The following ZDBF2 variants were observed in gnomAD, a reference collection of about 807,000 sequenced individuals.
The protein encoded by ZDBF2 is zinc finger DBF-type containing 2, also known as DBF4-type zinc finger-containing protein 2.
ZDBF2 carries 6 observed loss-of-function variants against 9.4 expected under a neutral mutation model. The observed-to-expected ratio is 0.64, with a 90% confidence interval of 0.35 to 1.27. The LOEUF (loss-of-function observed/expected upper bound fraction) is 1.27. Among genes scored for constraint, ZDBF2 ranks in the 50% most tolerant of loss-of-function variants. ZDBF2 has a pLI of 0.03. For missense variants in ZDBF2, 2,697 were observed against 2,766.8 expected (o/e 0.97, Z 0.57); for synonymous variants, 905 against 946.3 (o/e 0.96, Z 0.80).
Position 206,305,141 on chromosome 2 carries a change from A to G in ZDBF2, c.613A>G (p.Thr205Ala), listed in dbSNP as rs781513801. 3.7e-6 allele frequency: 6 copies of G among 1,613,646 alleles called. No individual in the cohort carries two copies. In the South Asian group the frequency reaches 5.5e-5, roughly 15 times the overall value. ...CGATAGACCAGTTACAGCTAATACA[A>G]CTAGTTTACCACCAGCAGCTCATTT... ...SNDRPVTANTTSLPPAAHLDS... is the reference protein window; with the variant it reads ...SNDRPVTANTASLPPAAHLDS... Residue 205 changes from threonine to alanine, a missense_variant, in exon 5 of 5, where the codon ACT (threonine) becomes GCT (alanine). Thr to Ala is a moderately conservative substitution (Grantham distance 58, BLOSUM62 0). Transcript: ENST00000374423.
rs1693013771 is a variant in ZDBF2 at position 206,309,349 on chromosome 2, G to A, written c.4821G>A (p.Lys1607=). Residue 1607 remains lysine (K), a synonymous_variant, in exon 5 of 5, where the codon AAG becomes AAA. Transcript: ENST00000374423. The part of the protein sequence containing the change: ...CKETFKIINR[K]KDYIILGEPS... Reference sequence around the variant, plus strand: ...AGACTTTCAAAATAATAAACCGGAAGAAGGACTATATTATTCTGGGAGAGC... The same window carrying A: ...AGACTTTCAAAATAATAAACCGGAAAAAGGACTATATTATTCTGGGAGAGC... 6.2e-7 allele frequency: 1 copy of A among 1,613,230 alleles called. No individual in the cohort carries two copies. Among genetic ancestry groups the A allele is most frequent in the South Asian group, 1.1e-5 (1 of 90,940 alleles).
At position 206,309,015 on chromosome 2, in the gene ZDBF2, C is replaced by T. The variant is rs1158261536; in HGVS notation, c.4487C>T (p.Ser1496Leu). ...GAAAAGACCGATCAACCTAGTGATT[C>T]AGAAATGATGTATGATTCTGATGTT... is the stretch of plus-strand genomic sequence containing the variant. ...MEEKTDQPSD[S>L]EMMYDSDVPF... The change falls in exon 5 of 5, where the codon TCA becomes TTA. Residue 1496 changes from serine (S) to leucine (L), a missense_variant. Ser to Leu is a moderately radical substitution (Grantham distance 145). Coordinates refer to ENST00000374423, the MANE Select transcript of ZDBF2 (RefSeq NM_020923.3). 5 of 1,613,728 alleles carry T rather than the reference C, an allele frequency of 3.1e-6. No homozygotes were observed. Among genetic ancestry groups the T allele is most frequent in the Admixed American group, 1.7e-5 (1 of 59,980 alleles).
At position 206,308,703 on chromosome 2, in the gene ZDBF2, A is replaced by G; in HGVS notation, c.4175A>G (p.Lys1392Arg). 6.2e-7 allele frequency: 1 copy of G among 1,612,826 alleles called. No individual in the cohort carries two copies. Among genetic ancestry groups the G allele is most frequent in the Non-Finnish European group, 8.5e-7 (1 of 1,179,762 alleles). The change falls in exon 5 of 5, where the codon AAG (lysine) becomes AGG (arginine). Residue 1392 changes from lysine (K) to arginine (R), a missense_variant. Around this residue, in one of 3 missense-constraint regions of ZDBF2, gnomAD observed 1,783 missense variants for 1,776.5 expected, o/e 1.00. Coordinates refer to ENST00000374423, the MANE Select transcript of ZDBF2 (RefSeq NM_020923.3). ...QKPVKEINLW[K>R]EDHIYLEDKS... Reference sequence around the variant, plus strand: ...CCTGTCAAAGAAATAAATCTTTGGAAGGAAGACCATATTTACCTGGAAGAT... The same window carrying G: ...CCTGTCAAAGAAATAAATCTTTGGAGGGAAGACCATATTTACCTGGAAGAT...
chr2:206,295,363 C>CTTTTT (rs571707187), intron 3 of ZDBF2, among the ~76,000 whole-genome samples: 444 of 110,850 alleles, frequency 4.0e-3, no homozygotes, highest in Middle Eastern at 5.7e-3. Context: ...CTTTTCTTTT[C>CTTTTT]TTTTTTTTTT....
At position 206,309,309 on chromosome 2, in the gene ZDBF2, C is replaced by A. The variant is rs1426879536; in HGVS notation, c.4781C>A (p.Thr1594Lys). The change falls in exon 5 of 5, where the codon ACA becomes AAA. Residue 1594 changes from threonine (T) to lysine (K), a missense_variant. This residue lies in a region of ZDBF2 where 1,783 missense variants were observed against 1,776.5 expected (regional missense o/e 1.00). Coordinates refer to ENST00000374423, the MANE Select transcript of ZDBF2 (RefSeq NM_020923.3). ...TGTAAAGCCTCTACTCCCTCAATGA[C>A]AAACCAATGCAAAGAGACTTTCAAA... is the stretch of plus-strand genomic sequence containing the variant. ...CNCKASTPSM[T>K]NQCKETFKII... The A allele has an allele frequency of 1.2e-6, 2 of 1,612,352 alleles. No homozygotes were observed. The highest frequency in any genetic ancestry group is 2.2e-5 in the South Asian group (2 of 90,752).
In ZDBF2 at chr2:206,307,330, CATT is replaced by C. The variant is rs777102434; in HGVS notation, c.2804_2806del (p.Ile935del). On this transcript the variant is annotated inframe_deletion, in exon 5 of 5. Transcript: ENST00000374423. ...CAGTGACTGGACGTTCTGAAGATCC[CATT>C]AAAGAAATAAGCCTTCACACAAAAG... 7 of 1,612,276 alleles carry C rather than the reference CATT, an allele frequency of 4.3e-6. No individual in the cohort carries two copies. The highest frequency in any genetic ancestry group is 1.7e-5 in the Admixed American group (1 of 59,686).
intron 4 of ZDBF2, among the ~76,000 whole-genome samples, chr2:206,302,204 C>T (rs1010228639): frequency 2.0e-5 from 3 of 151,878 alleles, no homozygotes; most frequent in Non-Finnish European, 4.4e-5. Context: ...GAAACAGGAT[C>T]TCATTATGTT....
In ZDBF2 at chr2:206,305,108, A is replaced by T; in HGVS notation, c.580A>T (p.Ser194Cys). The T allele has an allele frequency of 6.2e-7, 1 of 1,613,784 alleles. No individual in the cohort carries two copies. Among genetic ancestry groups the T allele is most frequent in the Non-Finnish European group, 8.5e-7 (1 of 1,179,814 alleles). ...TGCTCCTGCTAGTTGTTTACCTGAA[A>T]GCTCTAACGATAGACCAGTTACAGC... ...CNAPASCLPE[S>C]SNDRPVTANT... Residue 194 changes from serine to cysteine, a missense_variant, in exon 5 of 5, where the codon AGC (serine) becomes TGC (cysteine). Coordinates refer to ENST00000374423, the MANE Select transcript of ZDBF2 (RefSeq NM_020923.3).
At chr2:206,279,783 C>A (rs1250772472) in intron 2 of ZDBF2, among the ~76,000 whole-genome samples, 191 bp downstream of exon 2, 1 of 152,126 alleles carries the variant, frequency 6.6e-6, no homozygotes, top group South Asian at 2.1e-4. Context: ...GCAGAATCAC[C>A]TTGAGCATTT....
chr2:206,291,146 T>G (rs1161233912), intron 3 of ZDBF2, among the ~76,000 whole-genome samples: 2 of 152,228 alleles, frequency 1.3e-5, no homozygotes, highest in Admixed American at 1.3e-4. Context: ...CTAGGTAGCT[T>G]AAATCAGCGG....
intron 2 of ZDBF2, 61 bp from the exon 3 acceptor site, chr2:206,281,740 G>A (rs893034714): frequency 1.8e-4 from 174 of 973,806 alleles, no homozygotes; most frequent in Non-Finnish European, 2.3e-4. Context: ...AATTATCATA[G>A]CCATTTTCCT....
Position 206,307,635 on chromosome 2 carries a change from G to T in ZDBF2, c.3107G>T (p.Cys1036Phe), listed in dbSNP as rs771714828. 15 of 1,612,234 alleles carry T rather than the reference G, an allele frequency of 9.3e-6. No homozygotes were observed. The highest frequency in any genetic ancestry group is 1.1e-5 in the South Asian group (1 of 90,600). The change falls in exon 5 of 5, where the codon TGT becomes TTT. Residue 1036 changes from cysteine (C) to phenylalanine (F), a missense_variant. Cys to Phe is a radical substitution (Grantham distance 205). Coordinates refer to ENST00000374423, the MANE Select transcript of ZDBF2 (RefSeq NM_020923.3). ...QYVLENKNDK[C>F]SGSEIILDSN... Reference sequence around the variant, plus strand: ...GTTCTAGAAAACAAGAATGATAAATGTAGTGGTTCTGAAATAATTTTGGAT... The same window carrying T: ...GTTCTAGAAAACAAGAATGATAAATTTAGTGGTTCTGAAATAATTTTGGAT...
chr2:206,309,050 ATAG>A lies in ZDBF2; in HGVS notation c.4527_4529del (p.Val1510del). 6.2e-7 allele frequency: 1 copy of A among 1,613,840 alleles called. No individual in the cohort carries two copies. Among genetic ancestry groups the A allele is most frequent in the South Asian group, 1.1e-5 (1 of 91,038 alleles). On this transcript the variant is annotated inframe_deletion, in exon 5 of 5. Transcript: ENST00000374423. ...GTATGATTCTGATGTTCCTTTTCAA[ATAG>A]TAGTTAACCAATTTCCAGGATCAGT...
chr2:206,298,879 T>A (rs1354100720), intron 4 of ZDBF2, among the ~76,000 whole-genome samples: 1 of 150,160 alleles, frequency 6.7e-6, no homozygotes, highest in South Asian at 2.1e-4. Flanking sequence ...TTACATGAAT[T>A]TTTTTTTTCT....
chr2:206,303,896 T>TA (rs1183001564), intron 4 of ZDBF2, among the ~76,000 whole-genome samples: 3 of 152,208 alleles, frequency 2.0e-5, no homozygotes, highest in Non-Finnish European at 4.4e-5. Context: ...TTATTATTTT[T>TA]AAAAACCACA....
intron 3 of ZDBF2, among the ~76,000 whole-genome samples, chr2:206,282,614 T>A (rs1691383028): frequency 6.6e-6 from 1 of 152,110 alleles, no homozygotes; most frequent in African/African-American, 2.4e-5. Flanking sequence ...CATCTCAAAG[T>A]TTGAGCATAG....
rs1033214229 is a variant in ZDBF2 at position 206,309,689 on chromosome 2, C to A, written c.5161C>A (p.His1721Asn). 2.5e-6 allele frequency: 4 copies of A among 1,613,800 alleles called. No individual in the cohort carries two copies. In the Admixed American group the frequency reaches 6.7e-5, roughly 27 times the overall value. ...DFGASSKSAL[H>N]RRADKKKRSK... Reference sequence around the variant, plus strand: ...TGGTGCCTCTTCCAAGTCAGCGCTCCATCGAAGGGCTGATAAAAAAAAACG... The same window carrying A: ...TGGTGCCTCTTCCAAGTCAGCGCTCAATCGAAGGGCTGATAAAAAAAAACG... The change falls in exon 5 of 5, where the codon CAT becomes AAT. Residue 1721 changes from histidine (H) to asparagine (N), a missense_variant. Coordinates refer to ENST00000374423, the MANE Select transcript of ZDBF2 (RefSeq NM_020923.3).
rs554345895 is a variant in ZDBF2, at chr2:206,303,659, C to T, written c.189-1058C>T. On this transcript the variant is annotated intron_variant, in intron 4 of 4. Transcript: ENST00000374423. ...ATACATAGACATAATTCACAGTGCA[C>T]GTTCAAAAGTAAGTCTTCTTAAATT... Among the ~76,000 whole-genome samples, 398 of 152,216 alleles carry T rather than the reference C, an allele frequency of 2.6e-3. 1 individual carries two copies. Among genetic ancestry groups the T allele is most frequent in the South Asian group, 4.6e-3 (22 of 4,828 alleles).
intron 4 of ZDBF2, among the ~76,000 whole-genome samples, chr2:206,299,039 C>T (rs1046277936): frequency 1.3e-5 from 2 of 151,400 alleles, no homozygotes; most frequent in Admixed American, 6.6e-5. Context: ...TGCCACCATG[C>T]CTGGCTAATT....
Sources: gnomAD v4.1 joint callset for allele counts (sites outside exome capture counted in the v4.1 genomes callset) on GRCh38, gnomAD v4.1.1 for gene constraint, gnomAD v4.1.1 regional missense constraint, MANE v1.5 for transcripts, NCBI Gene and HGNC (gene_info 2026-07-23, HGNC 2026-07-21) for gene names.